CCDC178: variants seen among roughly 807,000 people sequenced by gnomAD.
CCDC178 encodes the protein coiled-coil domain-containing protein 178.
CCDC178 carries 126 observed loss-of-function variants against 117.4 expected under a neutral mutation model. That is an observed-to-expected ratio of 1.07 (90% CI 0.93 to 1.24). The LOEUF is 1.24. Among genes scored for constraint, CCDC178 ranks in the 50% most tolerant of loss-of-function variants. The probability of loss-of-function intolerance (pLI) is 0.00; values close to 1 mark genes in which losing one functional copy is unlikely to be tolerated. For synonymous variants in CCDC178, 283 were observed against 313.4 expected, an observed-to-expected ratio of 0.90 and a Z score of 1.02; for missense variants, 1,030 against 986.9, an observed-to-expected ratio of 1.04 and a Z score of -0.59.
intron 22 of CCDC178, among the ~76,000 whole-genome samples, chr18:32,953,235 AC>A (rs2054526875): frequency 1.3e-5 from 2 of 152,356 alleles, no homozygotes; most frequent in Middle Eastern, 3.4e-3. Flanking sequence ...AACAAGAGCG[AC>A]CTTTGCACTA....
chr18:33,212,010 A>T lies in CCDC178; in HGVS notation c.2124T>A (p.Thr708=). The T allele has an allele frequency of 6.2e-7, 1 of 1,602,910 alleles. No homozygotes were observed. The highest frequency in any genetic ancestry group is 8.5e-7 in the Non-Finnish European group (1 of 1,175,392). Residue 708 remains threonine, a synonymous_variant, in exon 20 of 23, where the codon ACT becomes ACA. Transcript: ENST00000383096. ...TMRFKREHAQ[T]VFDHYMQEKK... ...TCTCTTGCATATAATGATCAAACAC[A>T]GTTTGTGCATGTTCCCTTTTAAATC... is the stretch of plus-strand genomic sequence containing the variant.
chr18:33,058,682 T>A (rs1017988374), intron 21 of CCDC178, among the ~76,000 whole-genome samples: 1 of 152,166 alleles, frequency 6.6e-6, no homozygotes. Context: ...TAAGGCAGGA[T>A]GTCATGGGTT....
intron 15 of CCDC178, among the ~76,000 whole-genome samples, chr18:33,240,870 C>T (rs1054193429): frequency 2.0e-5 from 3 of 151,678 alleles, no homozygotes; most frequent in Admixed American, 6.6e-5. Flanking sequence ...AGCATAACCT[C>T]AATATCAAAT....
intron 14 of CCDC178, among the ~76,000 whole-genome samples, chr18:33,253,211 T>G (rs771198391): frequency 2.6e-5 from 4 of 151,910 alleles, no homozygotes; most frequent in Non-Finnish European, 4.4e-5. Context: ...AGTATTTGTA[T>G]GTATAGGATA....
intron 12 of CCDC178, among the ~76,000 whole-genome samples, chr18:33,282,504 C>T (rs1298489440): frequency 6.6e-6 from 1 of 152,154 alleles, no homozygotes; most frequent in African/African-American, 2.4e-5. Flanking sequence ...GGGTCCCCAG[C>T]CTGGCCATAC....
chr18:32,986,188 A>G (rs992295547), intron 21 of CCDC178, among the ~76,000 whole-genome samples: 6 of 152,078 alleles, frequency 3.9e-5, no homozygotes, highest in African/African-American at 1.4e-4. Context: ...TTATACAAAT[A>G]TTTTTATTGC....
intron 8 of CCDC178, among the ~76,000 whole-genome samples, chr18:33,346,648 A>G (rs1029918852): frequency 4.6e-5 from 7 of 152,096 alleles, no homozygotes; most frequent in Non-Finnish European, 7.4e-5. Flanking sequence ...CTAAATCTCA[A>G]CCAATATTTT....
chr18:33,349,031 A>AT, intron 7 of CCDC178, 56 bp from the exon 8 acceptor site: 1 of 1,029,034 alleles, frequency 9.7e-7, no homozygotes, highest in South Asian at 1.5e-5. Flanking sequence ...AGTAAAACAA[A>AT]TTTTAGGTTA....
chr18:33,276,258 T>A (rs984571109), intron 12 of CCDC178, among the ~76,000 whole-genome samples: 3 of 152,132 alleles, frequency 2.0e-5, no homozygotes, highest in African/African-American at 7.2e-5. Context: ...ATATTTCAAA[T>A]GTTGTGGCCT....
At chr18:33,388,987 G>T (rs1023712133) in intron 5 of CCDC178, among the ~76,000 whole-genome samples, 1 of 151,994 alleles carries the variant, frequency 6.6e-6, no homozygotes, top group Non-Finnish European at 1.5e-5. Flanking sequence ...GGGGCCTGTA[G>T]GGGGAGGGCA....
At chr18:33,183,850 G>C (rs1435824334) in intron 20 of CCDC178, among the ~76,000 whole-genome samples, 1 of 152,020 alleles carries the variant, frequency 6.6e-6, no homozygotes, top group East Asian at 1.9e-4. Context: ...GATGTGTTCA[G>C]GTAGCCTTTA....
intron 10 of CCDC178, among the ~76,000 whole-genome samples, chr18:33,330,447 T>G (rs2062652645): frequency 6.6e-6 from 1 of 152,132 alleles, no homozygotes; most frequent in Non-Finnish European, 1.5e-5. Context: ...TTTTGACCCC[T>G]GGAATAGTTA....
chr18:33,209,479 A>G (rs115381575), intron 20 of CCDC178, among the ~76,000 whole-genome samples: 264 of 152,130 alleles, frequency 1.7e-3, no homozygotes, highest in African/African-American at 6.0e-3. Flanking sequence ...AACACCTCAG[A>G]TTAGTAACAT....
At chr18:33,410,180 G>A (rs149207442) in intron 3 of CCDC178, among the ~76,000 whole-genome samples, 11 of 152,266 alleles carry the variant, frequency 7.2e-5, no homozygotes, top group East Asian at 1.9e-4. Context: ...AATCACCAGC[G>A]CAGCTCTCTG....
chr18:33,215,656 T>C lies in CCDC178; in HGVS notation c.1972A>G (p.Lys658Glu). ...SAIFKDLEATKSKTMIFYAKI... is the reference protein window; with the variant it reads ...SAIFKDLEATESKTMIFYAKI... ...GCATAAAAAATCATTGTCTTACTTT[T>C]AGTTGCTTCTAGGTCTTTAAAAATT... The change falls in exon 19 of 23, where the codon AAA becomes GAA. Residue 658 changes from lysine (K) to glutamate (E), a missense_variant. Physicochemically the swap from Lys to Glu is moderately conservative, Grantham distance 56. Coordinates refer to ENST00000383096, the MANE Select transcript of CCDC178 (RefSeq NM_001105528.4). 1 of 1,538,896 alleles carries C rather than the reference T, an allele frequency of 6.5e-7. No homozygotes were observed. Among genetic ancestry groups the C allele is most frequent in the South Asian group, 1.3e-5 (1 of 78,792 alleles).
chr18:33,264,598 C>T (rs1446276899), intron 14 of CCDC178, among the ~76,000 whole-genome samples: 2 of 151,966 alleles, frequency 1.3e-5, no homozygotes, highest in African/African-American at 4.8e-5. Flanking sequence ...AAGATATACA[C>T]CATGGAAATC....
intron 12 of CCDC178, among the ~76,000 whole-genome samples, chr18:33,284,254 G>A (rs111408815): frequency 6.6e-6 from 1 of 152,102 alleles, no homozygotes; most frequent in African/African-American, 2.4e-5. Context: ...GGACCTATCA[G>A]AGGGTGGAGA....
intron 12 of CCDC178, among the ~76,000 whole-genome samples, chr18:33,288,515 C>T (rs2060129853): frequency 1.3e-5 from 2 of 149,396 alleles, no homozygotes; most frequent in African/African-American, 5.0e-5. Context: ...CTCACTTACT[C>T]AACAAGCACT....
chr18:33,021,119 G>T (rs1489607205), intron 21 of CCDC178, among the ~76,000 whole-genome samples: 1 of 152,154 alleles, frequency 6.6e-6, no homozygotes, highest in Admixed American at 6.5e-5. Context: ...CAATTCATAG[G>T]TTCATTAATT....
Sources: allele counts gnomAD v4.1 joint callset (sites outside exome capture counted in the v4.1 genomes callset), GRCh38; gene constraint gnomAD v4.1.1; transcripts MANE v1.5; gene names NCBI Gene and HGNC (gene_info 2026-07-23, HGNC 2026-07-21).